MARCHF8: variants seen among roughly 807,000 people sequenced by gnomAD.
MARCHF8 encodes E3 ubiquitin-protein ligase MARCHF8.
Under a neutral mutation model 51.6 loss-of-function variants are expected in MARCHF8, and 40 were observed. The ratio of observed to expected loss-of-function variants is 0.77; its 90% CI spans 0.60 to 1.01. The LOEUF (loss-of-function observed/expected upper bound fraction) is 1.01, where lower values mean the gene tolerates loss of function less well. Among genes scored for constraint, MARCHF8 ranks in the 50% least tolerant of loss-of-function variants. The pLI is 0.00. For missense variants in MARCHF8, 685 were observed against 708.6 expected (o/e 0.97, Z 0.38); for synonymous variants, 263 against 280.3 (o/e 0.94, Z 0.62).
intron 2 of MARCHF8, among the ~76,000 whole-genome samples, chr10:45,530,044 C>T (rs2043851960): frequency 6.6e-6 from 1 of 152,168 alleles, no homozygotes; most frequent in Non-Finnish European, 1.5e-5. Flanking sequence ...TCTAAGTGCC[C>T]ATCAACGGAT....
At chr10:45,589,032 A>G (rs1213313586) in intron 1 of MARCHF8, among the ~76,000 whole-genome samples, 2 of 151,020 alleles carry the variant, frequency 1.3e-5, no homozygotes, top group African/African-American at 4.9e-5. Context: ...AATCCATATT[A>G]TAATTTAGTA....
At chr10:45,529,037 A>G (rs2043836194) in intron 2 of MARCHF8, among the ~76,000 whole-genome samples, 1 of 152,242 alleles carries the variant, frequency 6.6e-6, no homozygotes, top group East Asian at 1.9e-4. Context: ...AAAGAACAAT[A>G]CTTGAGGCAT....
In MARCHF8 at chr10:45,458,529, G is replaced by A. The variant is rs1240006895; in HGVS notation, c.1432C>T (p.Pro478Ser). ...ACAACCACCAATTTAGTCCAAAAGG[G>A]CCATTCTAGGATTCCTGGAAGGGAA... The part of the protein sequence containing the change: ...QGQATGILEW[P>S]FWTKLVVVAI... The change falls in exon 8 of 8, where the codon CCC becomes TCC. Residue 478 changes from proline to serine, a missense_variant. Physicochemically the swap from Pro to Ser is moderately conservative, Grantham distance 74. Transcript: ENST00000453424. 1.3e-6 allele frequency: 2 copies of A among 1,590,794 alleles called. No homozygotes were observed. The highest frequency in any genetic ancestry group is 4.5e-5 in the East Asian group (2 of 44,598).
Position 45,511,644 on chromosome 10 carries a change from G to A in MARCHF8, c.102+21466C>T, listed in dbSNP as rs536975113. On this transcript the variant is annotated intron_variant, in intron 2 of 7. Transcript: ENST00000453424. The stretch of plus-strand genomic sequence containing the variant: ...GGGCTGGTCTCCAGCTCCTAACCGC[G>A]AGTGATCCGCCAGCCTCGGCCTCCC... Among the ~76,000 whole-genome samples, 9 of 152,344 alleles carry A rather than the reference G, an allele frequency of 5.9e-5. No individual in the cohort carries two copies. The East Asian group carries it at 1.4e-3, about 23-fold the overall frequency.
chr10:45,469,231 G>T (rs1197337504), intron 3 of MARCHF8, among the ~76,000 whole-genome samples: 2 of 152,228 alleles, frequency 1.3e-5, no homozygotes, highest in East Asian at 3.9e-4. Flanking sequence ...GGAGACCAGG[G>T]AACCTGGATG....
At position 45,466,994 on chromosome 10, in the gene MARCHF8, T is replaced by C. The variant is rs1225582860; in HGVS notation, c.154-2667A>G. ...GTTCACTTCCCTGTGTGGTTCCCCA[T>C]GTGTGTGCACTTGTAGCAGATGTCA... On this transcript the variant is annotated intron_variant, in intron 3 of 7. Transcript: ENST00000453424. Among the ~76,000 whole-genome samples the C allele has an allele frequency of 2.0e-5, 3 of 152,162 alleles. No individual in the cohort carries two copies. The East Asian group carries it at 5.8e-4, about 29-fold the overall frequency.
At chr10:45,538,978 T>C (rs1370413487), upstream of MARCHF8, among the ~76,000 whole-genome samples, 1 of 152,168 alleles carries the variant, frequency 6.6e-6, no homozygotes, top group Non-Finnish European at 1.5e-5. Context: ...CTAATAGACA[T>C]CTACAGAACT....
intron 2 of MARCHF8, among the ~76,000 whole-genome samples, chr10:45,507,318 G>A (rs2043404030): frequency 1.3e-5 from 2 of 152,128 alleles, no homozygotes; most frequent in Non-Finnish European, 2.9e-5. Flanking sequence ...CAGTCTGTTC[G>A]CATTACTATA....
intron 3 of MARCHF8, among the ~76,000 whole-genome samples, chr10:45,475,412 G>T (rs548791455): frequency 9.2e-5 from 14 of 152,272 alleles, no homozygotes; most frequent in South Asian, 4.1e-4. Flanking sequence ...CCCCGGGGGG[G>T]GCTGAAGTAT....
intron 1 of MARCHF8, among the ~76,000 whole-genome samples, chr10:45,586,171 G>A (rs1222392924): frequency 6.6e-6 from 1 of 152,044 alleles, no homozygotes; most frequent in East Asian, 1.9e-4. Flanking sequence ...TCAAAATACA[G>A]AGTAATTCCA....
At chr10:45,551,864 C>G (rs1658955004) in intron 1 of MARCHF8, among the ~76,000 whole-genome samples, 1 of 151,890 alleles carries the variant, frequency 6.6e-6, no homozygotes, top group Non-Finnish European at 1.5e-5. Flanking sequence ...CACACACACA[C>G]AGACACACAC....
intron 1 of MARCHF8, among the ~76,000 whole-genome samples, chr10:45,580,343 T>TA (rs1564523122): frequency 2.0e-5 from 3 of 152,128 alleles, no homozygotes; most frequent in Non-Finnish European, 4.4e-5. Context: ...AACAGACATA[T>TA]TATAAACAGT....
In MARCHF8 at chr10:45,503,484, C is replaced by T. The variant is rs150771327; in HGVS notation, c.103-14067G>A. Among the ~76,000 whole-genome samples the T allele has an allele frequency of 8.0e-3, 1,209 of 151,642 alleles. 14 individuals carry two copies. Among genetic ancestry groups the T allele is most frequent in the African/African-American group, 0.028 (1,150 of 41,308 alleles). On this transcript the variant is annotated intron_variant, in intron 2 of 7. Coordinates refer to ENST00000453424, the MANE Select transcript of MARCHF8 (RefSeq NM_001282866.2). ...CCGGGAGGCAGAGGTTGCAGTGAGC[C>T]GAGATATCGTGCCACTGCATTCCAG...
intron 2 of MARCHF8, among the ~76,000 whole-genome samples, chr10:45,529,314 A>G (rs1004465434): frequency 2.2e-4 from 33 of 152,340 alleles, no homozygotes; most frequent in Middle Eastern, 3.4e-3. Context: ...TCAACTTAAG[A>G]TGGATTAAAG....
At chr10:45,500,638 T>C (rs1223658446) in intron 2 of MARCHF8, among the ~76,000 whole-genome samples, 1 of 152,108 alleles carries the variant, frequency 6.6e-6, no homozygotes, top group Non-Finnish European at 1.5e-5. Context: ...TCTACTATTC[T>C]GATGCATCAT....
chr10:45,552,367 T>C (rs918786264), intron 1 of MARCHF8, among the ~76,000 whole-genome samples: 4 of 151,668 alleles, frequency 2.6e-5, no homozygotes, highest in African/African-American at 7.3e-5. Flanking sequence ...GAATCCATTC[T>C]TTTCAATTTT....
At chr10:45,489,190 T>C (rs544514959) in intron 3 of MARCHF8, among the ~76,000 whole-genome samples, 177 bp downstream of exon 3, 2 of 151,628 alleles carry the variant, frequency 1.3e-5, no homozygotes, top group African/African-American at 4.8e-5. Context: ...CACTCAAAAT[T>C]GCCTTACCAG....
chr10:45,473,857 C>T (rs1027146753), intron 3 of MARCHF8, among the ~76,000 whole-genome samples: 1 of 152,172 alleles, frequency 6.6e-6, no homozygotes, highest in African/African-American at 2.4e-5. Flanking sequence ...CATTGTCCAT[C>T]TAAAGTACTG....
chr10:45,566,460 T>C (rs1461289685), intron 1 of MARCHF8, among the ~76,000 whole-genome samples: 2 of 152,130 alleles, frequency 1.3e-5, no homozygotes, highest in African/African-American at 4.8e-5. Flanking sequence ...CCTTTTACTC[T>C]CTACGTCCAT....
Sources: gnomAD v4.1 joint callset for allele counts (sites outside exome capture counted in the v4.1 genomes callset) on GRCh38, gnomAD v4.1.1 for gene constraint, MANE v1.5 for transcripts, NCBI Gene and HGNC (gene_info 2026-07-23, HGNC 2026-07-21) for gene names.